Variants in PTPRN2 observed in about 807,000 individuals in gnomAD.
PTPRN2 encodes the protein protein tyrosine phosphatase receptor type N2, also known as receptor-type tyrosine-protein phosphatase N2.
In PTPRN2, 74 loss-of-function variants were observed where a neutral mutation model predicts 118.8. The ratio of observed to expected loss-of-function variants is 0.62; its 90% confidence interval spans 0.52 to 0.76. PTPRN2 has a LOEUF of 0.76. Ranked by LOEUF, PTPRN2 falls within the 30% of genes least tolerant of loss-of-function variation. The probability of loss-of-function intolerance (pLI) is 0.00; values close to 1 mark genes in which losing one functional copy is unlikely to be tolerated. For missense variants in PTPRN2, 1,481 were observed against 1,394.4 expected (o/e 1.06, Z -0.99); for synonymous variants, 641 against 608.0 (o/e 1.05, Z -0.80).
intron 12 of PTPRN2, among the ~76,000 whole-genome samples, chr7:157,740,686 C>T (rs1210980174): frequency 6.6e-6 from 1 of 152,148 alleles, no homozygotes; most frequent in Non-Finnish European, 1.5e-5. Flanking sequence ...CTAATCAATG[C>T]TTTTTCTTTT....
At chr7:158,085,158 GCCCATCCAGATA>G (rs1384740364) in intron 10 of PTPRN2, among the ~76,000 whole-genome samples, 22 of 65,816 alleles carry the variant, frequency 3.3e-4, no homozygotes, top group South Asian at 1.2e-3. Flanking sequence ...CACCCTCGAC[GCCCATCCAGATA>G]CCCATCCACA....
At chr7:157,772,080 C>T (rs1007832848) in intron 12 of PTPRN2, among the ~76,000 whole-genome samples, 3 of 150,624 alleles carry the variant, frequency 2.0e-5, no homozygotes, top group African/African-American at 7.3e-5. Context: ...ACACACAGAA[C>T]ACAGACACAA....
chr7:158,225,112 C>CT (rs111497029), intron 3 of PTPRN2, among the ~76,000 whole-genome samples: 2,189 of 149,428 alleles, frequency 0.015, 48 homozygotes, highest in African/African-American at 0.045. Flanking sequence ...ATCACTGTTA[C>CT]TTTTTTTTTT....
Position 158,261,135 on chromosome 7 carries a change from C to T in PTPRN2, c.277+55684G>A, listed in dbSNP as rs150569963. Among the ~76,000 whole-genome samples, 161 of 152,240 alleles carry T rather than the reference C, an allele frequency of 1.1e-3. 1 individual carries two copies. Among genetic ancestry groups the T allele is most frequent in the South Asian group, 9.1e-3 (44 of 4,820 alleles). On this transcript the variant is annotated intron_variant, in intron 3 of 22. Coordinates refer to ENST00000389418, the MANE Select transcript of PTPRN2 (RefSeq NM_002847.5). ...TCAGCGTCAGCAACAGTGCCCATCC[C>T]GAGCTCTTTCCCAGCGCACCCCAGG...
intron 10 of PTPRN2, among the ~76,000 whole-genome samples, chr7:158,089,155 C>T (rs77549988): frequency 8.3e-4 from 12 of 14,510 alleles, no homozygotes; most frequent in African/African-American, 1.1e-3. Flanking sequence ...CTTCCCCTGA[C>T]GAAAGAGGGA....
At chr7:158,332,912 A>G (rs879842245) in intron 2 of PTPRN2, among the ~76,000 whole-genome samples, 19 of 140,806 alleles carry the variant, frequency 1.3e-4, no homozygotes, top group East Asian at 2.1e-4. Context: ...TCACACCCAC[A>G]CTCTCACCAT....
At chr7:157,971,882 G>C (rs1458699986) in intron 11 of PTPRN2, among the ~76,000 whole-genome samples, 1 of 152,188 alleles carries the variant, frequency 6.6e-6, no homozygotes, top group Non-Finnish European at 1.5e-5. Context: ...ATGTACAGAA[G>C]CAATTTTAAA....
chr7:158,294,538 C>T (rs916875767), intron 3 of PTPRN2, among the ~76,000 whole-genome samples: 7 of 152,186 alleles, frequency 4.6e-5, no homozygotes, highest in South Asian at 2.1e-4. Flanking sequence ...ACGTAATTCC[C>T]GGCCCTCAGC....
intron 12 of PTPRN2, among the ~76,000 whole-genome samples, chr7:157,683,880 G>A: frequency 6.6e-6 from 1 of 152,130 alleles, no homozygotes; most frequent in East Asian, 1.9e-4. Flanking sequence ...GGGGGAGCAC[G>A]CCCGGCCTTG....
At chr7:158,564,719 CAT>C (rs1264191796) in intron 1 of PTPRN2, among the ~76,000 whole-genome samples, 7 of 152,228 alleles carry the variant, frequency 4.6e-5, no homozygotes, top group African/African-American at 1.4e-4. Flanking sequence ...TTCACCCACA[CAT>C]GTTTATTTAA....
At chr7:157,847,077 C>T (rs1004123688) in intron 12 of PTPRN2, among the ~76,000 whole-genome samples, 5 of 145,082 alleles carry the variant, frequency 3.4e-5, no homozygotes, top group Admixed American at 6.9e-5. Context: ...CTTCTGTGCC[C>T]GATGTTTACA....
At chr7:158,098,976 TCCGCATCCCGG>T (rs1814922294) in intron 10 of PTPRN2, among the ~76,000 whole-genome samples, 1 of 145,630 alleles carries the variant, frequency 6.9e-6, no homozygotes, top group African/African-American at 2.6e-5. Flanking sequence ...ATTCCTGGGT[TCCGCATCCCGG>T]CTGCCTCCCC....
At chr7:157,758,337 C>G (rs1264087646) in intron 12 of PTPRN2, among the ~76,000 whole-genome samples, 1 of 152,256 alleles carries the variant, frequency 6.6e-6, no homozygotes, top group South Asian at 2.1e-4. Context: ...TCAGGCGGCT[C>G]CTTCAGTGAA....
At chr7:158,521,488 C>T (rs192762838) in intron 1 of PTPRN2, among the ~76,000 whole-genome samples, 60 of 152,310 alleles carry the variant, frequency 3.9e-4, no homozygotes, top group African/African-American at 6.5e-4. Flanking sequence ...AATCAGTTGA[C>T]GAATGATTTC....
At chr7:157,981,019 C>T (rs1406674317) in intron 11 of PTPRN2, among the ~76,000 whole-genome samples, 2 of 152,220 alleles carry the variant, frequency 1.3e-5, no homozygotes, top group East Asian at 1.9e-4. Flanking sequence ...TCCCACGGAG[C>T]CCCGCCTCCC....
rs1361245287 is a variant in PTPRN2, at chr7:157,685,387, AG to A, written c.1789-2451del. 2.7e-5 allele frequency among the ~76,000 whole-genome samples: 4 copies of A among 150,624 alleles called. No individual in the cohort carries two copies. In the East Asian group the frequency reaches 6.1e-4, roughly 23 times the overall value. On this transcript the variant is annotated intron_variant, in intron 12 of 22. Transcript: ENST00000389418. The stretch of plus-strand genomic sequence containing the variant: ...GCGCGCGGTGACCACCCTGGTTCTG[AG>A]GGGGCGGCGGGGCCACGGCGTGTGG...
At chr7:157,919,921 T>C (rs1254051828) in intron 11 of PTPRN2, among the ~76,000 whole-genome samples, 3 of 152,218 alleles carry the variant, frequency 2.0e-5, no homozygotes, top group African/African-American at 7.2e-5. Flanking sequence ...ACCTTTTCTA[T>C]GTGCAAATGA....
rs1456187065 is a variant in PTPRN2 at position 158,496,441 on chromosome 7, G to A, written c.113-6656C>T. Among the ~76,000 whole-genome samples, 7 of 28,942 alleles carry A rather than the reference G, an allele frequency of 2.4e-4. No homozygotes were observed. The South Asian group carries it at 7.1e-3, about 30-fold the overall frequency. The allele number at this position is 28,942 out of a possible 152,430, so 19.0% of individuals were successfully genotyped here. ...TCCCTGCAGCCTCCCCCTTCCCTGC[G>A]CCCCCTCCACCTTCCCTGAGCCGCC... On this transcript the variant is annotated intron_variant, in intron 1 of 22. Coordinates refer to ENST00000389418, the MANE Select transcript of PTPRN2 (RefSeq NM_002847.5).
intron 11 of PTPRN2, among the ~76,000 whole-genome samples, chr7:157,952,967 G>A (rs1296945055): frequency 1.3e-5 from 2 of 152,024 alleles, no homozygotes; most frequent in African/African-American, 4.8e-5. Context: ...TGCACACAGT[G>A]AAGGGGACGG....
Sources: allele counts gnomAD v4.1 joint callset (sites outside exome capture counted in the v4.1 genomes callset), GRCh38; gene constraint gnomAD v4.1.1; transcripts MANE v1.5; gene names NCBI Gene and HGNC (gene_info 2026-07-23, HGNC 2026-07-21).